Variants in ZNF84 observed in about 807,000 individuals in gnomAD.
The protein encoded by ZNF84 is zinc finger protein 84, also known as zinc finger protein HPF2.
ZNF84 carries 12 observed loss-of-function variants against 14.8 expected under a neutral mutation model. The observed-to-expected ratio is 0.81, with a 90% CI of 0.52 to 1.31. The LOEUF is 1.31. Ranked by LOEUF, ZNF84 falls within the 50% of genes most tolerant of loss-of-function variation. The pLI is 0.00. For missense variants in ZNF84, 859 were observed against 878.6 expected (o/e 0.98, Z 0.28); for synonymous variants, 347 against 291.1 (o/e 1.19, Z -1.96).
Position 133,057,257 on chromosome 12 carries a change from A to G in ZNF84, c.542A>G (p.Asp181Gly). The change falls in exon 5 of 5, where the codon GAC (aspartate) becomes GGC (glycine). Residue 181 changes from aspartate (D) to glycine (G), a missense_variant. Transcript: ENST00000539354. The stretch of plus-strand genomic sequence containing the variant: ...ACTGATACCTGGTTAAAATACTATG[A>G]CTGTGATAAATATAAAGAGAGCTAT... ...EDTDTWLKYYDCDKYKESYKK... is the reference protein window; with the variant it reads ...EDTDTWLKYYGCDKYKESYKK... 6.2e-7 allele frequency: 1 copy of G among 1,613,906 alleles called. No individual in the cohort carries two copies. Among genetic ancestry groups the G allele is most frequent in the African/African-American group, 1.3e-5 (1 of 75,042 alleles).
At chr12:133,042,929 G>A (rs904874020) in intron 2 of ZNF84, among the ~76,000 whole-genome samples, 6 of 152,130 alleles carry the variant, frequency 3.9e-5, no homozygotes, top group Non-Finnish European at 8.8e-5. Context: ...TCTCCCAGTC[G>A]TCACAACCTC....
At position 133,062,137 on chromosome 12, in the gene ZNF84, A is replaced by G. The variant is rs1954275127; in HGVS notation, c.*3205A>G. On this transcript the variant is annotated 3_prime_UTR_variant, in exon 5 of 5. Transcript: ENST00000539354. ...ATTCTCTTACTGCCTGGATTTTCCC[A>G]CTGACCTGGAATTGTGCACAGTTCT... The G allele has an allele frequency of 6.6e-6, 1 of 152,214 alleles. No homozygotes were observed. Among genetic ancestry groups the G allele is most frequent in the Non-Finnish European group, 1.5e-5 (1 of 68,034 alleles). 9.4% of individuals were successfully genotyped at this position (152,214 alleles called of 1,614,324 possible).
Position 133,058,917 on chromosome 12 carries a change from A to G in ZNF84, c.2202A>G (p.Thr734=), listed in dbSNP as rs1954209910. The G allele has an allele frequency of 2.5e-6, 4 of 1,601,026 alleles. No individual in the cohort carries two copies. Among genetic ancestry groups the G allele is most frequent in the East Asian group, 4.5e-5 (2 of 44,804 alleles). ...SQLINHQRTH[T]VKKS ...TCATCAATCATCAGAGAACTCATAC[A>G]GTAAAAAAATCCTAGGAATACAGTT... The change falls in exon 5 of 5, where the codon ACA becomes ACG. Residue 734 remains threonine, a synonymous_variant. Coordinates refer to ENST00000539354, the MANE Select transcript of ZNF84 (RefSeq NM_001289971.2).
intron 4 of ZNF84, among the ~76,000 whole-genome samples, chr12:133,056,726 A>G (rs935915846): frequency 1.3e-5 from 2 of 152,104 alleles, no homozygotes; most frequent in South Asian, 4.1e-4. Context: ...TAATAAACAT[A>G]TTTGTCAACA....
chr12:133,043,055 G>A (rs1953913941), intron 2 of ZNF84, among the ~76,000 whole-genome samples: 2 of 152,134 alleles, frequency 1.3e-5, no homozygotes, highest in African/African-American at 2.4e-5. Flanking sequence ...GCTGTAGTGT[G>A]TGCTCATTTT....
Position 133,063,025 on chromosome 12 carries a change from CT to C in ZNF84, c.*4099del, listed in dbSNP as rs1243639362. On this transcript the variant is annotated 3_prime_UTR_variant, in exon 5 of 5. Coordinates refer to ENST00000539354, the MANE Select transcript of ZNF84 (RefSeq NM_001289971.2). ...AAAGCTTCTAGAAAGCTAGTACTAT[CT>C]TTTTTGTCTGTGTAATTTTTGCATC... 2.9e-6 allele frequency: 2 copies of C among 691,766 alleles called. No homozygotes were observed. Among genetic ancestry groups the C allele is most frequent in the African/African-American group, 3.5e-5 (2 of 56,808 alleles). 42.9% of individuals were successfully genotyped at this position (691,766 alleles called of 1,614,324 possible).
At chr12:133,055,498 C>T (rs1368417769) in intron 4 of ZNF84, among the ~76,000 whole-genome samples, 2 of 151,788 alleles carry the variant, frequency 1.3e-5, no homozygotes, top group Non-Finnish European at 2.9e-5. Context: ...TACCATAATA[C>T]CCAAAGGAGA....
chr12:133,058,564 C>G lies in ZNF84; in HGVS notation c.1849C>G (p.His617Asp). 6.2e-7 allele frequency: 1 copy of G among 1,613,960 alleles called. No homozygotes were observed. Residue 617 changes from histidine (H) to aspartate (D), a missense_variant, in exon 5 of 5, where the codon CAT becomes GAT. Physicochemically the swap from His to Asp is moderately conservative, Grantham distance 81. Coordinates refer to ENST00000539354, the MANE Select transcript of ZNF84 (RefSeq NM_001289971.2). ...AFFEKSELIR[H>D]LRTHTGEKPY... ...TTTTGAGAAGTCGGAGCTAATTAGA[C>G]ATCTGAGAACTCATACAGGAGAAAA...
In ZNF84 at chr12:133,038,122, A is replaced by T. The variant is rs371185447; in HGVS notation, c.-191+577A>T. Among the ~76,000 whole-genome samples the T allele has an allele frequency of 9.1e-3, 1,389 of 152,164 alleles. 21 individuals carry two copies. Among genetic ancestry groups the T allele is most frequent in the African/African-American group, 0.032 (1,329 of 41,520 alleles). On this transcript the variant is annotated intron_variant, in intron 1 of 4. Transcript: ENST00000539354. Reference sequence around the variant, plus strand: ...ATTCACCTGTGGTTTTTTTTTGTAGACATTCTTAGGGTTTCCATTATTTTA... The same window carrying T: ...ATTCACCTGTGGTTTTTTTTTGTAGTCATTCTTAGGGTTTCCATTATTTTA...
rs564740589 is a variant in ZNF84, at chr12:133,060,213, T to G, written c.*1281T>G. ...TCATGGATATTTTGTGCTGCTGTTA[T>G]GCTTTTTGTGTTGCATAAAATATCT... On this transcript the variant is annotated 3_prime_UTR_variant, in exon 5 of 5. Transcript: ENST00000539354. The G allele has an allele frequency of 6.6e-6, 1 of 152,234 alleles. No homozygotes were observed. The highest frequency in any genetic ancestry group is 1.5e-5 in the Non-Finnish European group (1 of 68,026). 9.4% of individuals were successfully genotyped at this position (152,234 alleles called of 1,614,324 possible).
chr12:133,045,822 A>G (rs1953969956), intron 2 of ZNF84, among the ~76,000 whole-genome samples: 1 of 152,058 alleles, frequency 6.6e-6, no homozygotes, highest in African/African-American at 2.4e-5. Flanking sequence ...CAGAATATTC[A>G]GCTATCATTT....
At position 133,058,656 on chromosome 12, in the gene ZNF84, A is replaced by C; in HGVS notation, c.1941A>C (p.Arg647Ser). The change falls in exon 5 of 5, where the codon AGA (arginine) becomes AGC (serine). Residue 647 changes from arginine (R) to serine (S), a missense_variant. Physicochemically the swap from Arg to Ser is moderately radical, Grantham distance 110. Coordinates refer to ENST00000539354, the MANE Select transcript of ZNF84 (RefSeq NM_001289971.2). Reference sequence around the variant, plus strand: ...AGTCAAGTCTCATCAATCATCAGAGAATACATACAGGAGAGAAGCCTTTTG... The same window carrying C: ...AGTCAAGTCTCATCAATCATCAGAGCATACATACAGGAGAGAAGCCTTTTG... Reference protein sequence around the residue: ...REKSSLINHQRIHTGEKPFEC... With the variant: ...REKSSLINHQSIHTGEKPFEC... The C allele has an allele frequency of 6.2e-7, 1 of 1,614,166 alleles. No individual in the cohort carries two copies. Among genetic ancestry groups the C allele is most frequent in the Non-Finnish European group, 8.5e-7 (1 of 1,180,028 alleles).
At position 133,048,077 on chromosome 12, in the gene ZNF84, A is replaced by G; in HGVS notation, c.138A>G (p.Ser46=). 6.2e-7 allele frequency: 1 copy of G among 1,613,298 alleles called. No homozygotes were observed. The highest frequency in any genetic ancestry group is 8.5e-7 in the Non-Finnish European group (1 of 1,179,488). ...TGGAGAACTATAGCAGCCTAGTGTC[A>G]CTGGGTAATAAAAGCTTTCTTGAGG... ...VMLENYSSLV[S]LGYEVMKPDV... is the part of the protein sequence containing the mutation. Residue 46 remains serine, a synonymous_variant, in exon 3 of 5, where the codon TCA becomes TCG. Coordinates refer to ENST00000539354, the MANE Select transcript of ZNF84 (RefSeq NM_001289971.2).
chr12:133,058,011 A>T lies in ZNF84; in HGVS notation c.1296A>T (p.Gly432=), dbSNP rs1206092938. ...CACATACAGGAGAGAAACCTCATGGATGCATTCAGTGTGGGAAGGCCTTCT... is the reference window on the plus strand; with the variant it reads ...CACATACAGGAGAGAAACCTCATGGTTGCATTCAGTGTGGGAAGGCCTTCT... ...QRTHTGEKPH[G]CIQCGKAFSQ... is the part of the protein sequence containing the mutation. Residue 432 remains glycine (G), a synonymous_variant, in exon 5 of 5, where the codon GGA becomes GGT. Coordinates refer to ENST00000539354, the MANE Select transcript of ZNF84 (RefSeq NM_001289971.2). 7.4e-6 allele frequency: 12 copies of T among 1,613,366 alleles called. No individual in the cohort carries two copies. Among genetic ancestry groups the T allele is most frequent in the East Asian group, 2.2e-5 (1 of 44,794 alleles).
At position 133,057,039 on chromosome 12, in the gene ZNF84, T is replaced by A; in HGVS notation, c.324T>A (p.Asp108Glu). The change falls in exon 5 of 5, where the codon GAT (aspartate) becomes GAA (glutamate). Residue 108 changes from aspartate (D) to glutamate (E), a missense_variant. Transcript: ENST00000539354. ...TTATAAAAAGAGGTCATGAATGTGA[T>A]GCATTTGGAAAAAATTTCAATCTGA... The part of the protein sequence containing the change: ...LKIIKRGHEC[D>E]AFGKNFNLNM... 6.2e-7 allele frequency: 1 copy of A among 1,613,144 alleles called. No individual in the cohort carries two copies. The highest frequency in any genetic ancestry group is 8.5e-7 in the Non-Finnish European group (1 of 1,179,768).
At chr12:133,047,195 C>A (rs1397878996) in intron 2 of ZNF84, among the ~76,000 whole-genome samples, 1 of 151,796 alleles carries the variant, frequency 6.6e-6, no homozygotes, top group Admixed American at 6.6e-5. Context: ...GTCACCTATT[C>A]CAGTTTGCGT....
chr12:133,062,968 A>G lies in ZNF84; in HGVS notation c.*4036A>G. The G allele has an allele frequency of 1.6e-6, 1 of 630,930 alleles. No individual in the cohort carries two copies. Among genetic ancestry groups the G allele is most frequent in the East Asian group, 2.7e-5 (1 of 36,764 alleles). 39.1% of individuals were successfully genotyped at this position (630,930 alleles called of 1,614,324 possible). On this transcript the variant is annotated 3_prime_UTR_variant, in exon 5 of 5. Coordinates refer to ENST00000539354, the MANE Select transcript of ZNF84 (RefSeq NM_001289971.2). ...TACGTGTGTTTCTCACTGTGATAAT[A>G]TAATCATTGCATGTTTTATCTTTCC...
chr12:133,048,642 G>A, intron 3 of ZNF84, 111 bp from the exon 4 acceptor site: 2 of 696,040 alleles, frequency 2.9e-6, no homozygotes, highest in East Asian at 5.6e-5. Flanking sequence ...TACTTACTCT[G>A]TTGGGGTACA....
chr12:133,054,204 A>G (rs1954114108), intron 4 of ZNF84, among the ~76,000 whole-genome samples: 1 of 152,130 alleles, frequency 6.6e-6, no homozygotes, highest in Non-Finnish European at 1.5e-5. Flanking sequence ...CAACATAGGG[A>G]GACCCCATCT....
Sources: gnomAD v4.1 joint callset for allele counts (sites outside exome capture counted in the v4.1 genomes callset) on GRCh38, gnomAD v4.1.1 for gene constraint, MANE v1.5 for transcripts, NCBI Gene and HGNC (gene_info 2026-07-23, HGNC 2026-07-21) for gene names.